Variants in LPP observed in about 807,000 individuals in gnomAD.
LPP encodes lipoma-preferred partner.
Under a neutral mutation model 60.4 loss-of-function variants are expected in LPP, and 38 were observed. The observed-to-expected ratio is 0.63, with a 90% confidence interval of 0.49 to 0.83. The LOEUF (loss-of-function observed/expected upper bound fraction) is 0.83, where lower values mean the gene tolerates loss of function less well. Among genes scored for constraint, LPP ranks in the 40% least tolerant of loss-of-function variants. The pLI, the probability that LPP is intolerant of heterozygous loss-of-function variation, is 0.00. For synonymous variants in LPP, 328 were observed against 290.8 expected, an observed-to-expected ratio of 1.13 and a Z score of -1.30; for missense variants, 902 against 783.6, an observed-to-expected ratio of 1.15 and a Z score of -1.80.
chr3:188,762,852 TG>T (rs1732846890), intron 9 of LPP, among the ~76,000 whole-genome samples: 1 of 152,104 alleles, frequency 6.6e-6, no homozygotes, highest in African/African-American at 2.4e-5. Context: ...GACTCTAAAA[TG>T]TAATTTAATT....
At chr3:188,271,576 G>T (rs768661517) in intron 2 of LPP, among the ~76,000 whole-genome samples, 2 of 152,178 alleles carry the variant, frequency 1.3e-5, no homozygotes, top group Non-Finnish European at 2.9e-5. Flanking sequence ...GCCCTAAGGT[G>T]GACTACGGTC....
chr3:188,563,484 G>GTTTGTGTGTGTA (rs1459782018), intron 6 of LPP, among the ~76,000 whole-genome samples: 2 of 127,968 alleles, frequency 1.6e-5, no homozygotes, highest in East Asian at 7.9e-4. Flanking sequence ...GTGTGTGTGT[G>GTTTGTGTGTGTA]TGGTATATTA....
chr3:188,705,395 C>G (rs1225549273), intron 7 of LPP, among the ~76,000 whole-genome samples: 1 of 152,048 alleles, frequency 6.6e-6, no homozygotes, highest in Non-Finnish European at 1.5e-5. Context: ...GGTTAGTTTA[C>G]CTTGTTAGTC....
At chr3:188,447,513 G>A (rs916053243) in intron 4 of LPP, among the ~76,000 whole-genome samples, 8 of 151,488 alleles carry the variant, frequency 5.3e-5, no homozygotes, top group African/African-American at 1.9e-4. Flanking sequence ...AAGAAGCTGA[G>A]GCAGGAGAAT....
intron 9 of LPP, among the ~76,000 whole-genome samples, chr3:188,786,662 T>C (rs141741092): frequency 9.9e-5 from 15 of 152,268 alleles, no homozygotes; most frequent in African/African-American, 2.9e-4. Flanking sequence ...ATTTGTAAGA[T>C]TCCCAACCTG....
At chr3:188,321,005 C>T (rs1369991669) in intron 2 of LPP, among the ~76,000 whole-genome samples, 1 of 152,196 alleles carries the variant, frequency 6.6e-6, no homozygotes, top group Non-Finnish European at 1.5e-5. Context: ...TTTCCTCATC[C>T]TCACATATAA....
chr3:188,635,859 G>A (rs74365261), intron 7 of LPP, among the ~76,000 whole-genome samples: 1,793 of 152,248 alleles, frequency 0.012, 29 homozygotes, highest in African/African-American at 0.04. Flanking sequence ...CCAGTCACCG[G>A]GCTGATAAAA....
rs146316955 is a variant in LPP, at chr3:188,258,691, A to G, written c.-67+33164A>G. On this transcript the variant is annotated intron_variant, in intron 2 of 11. Transcript: ENST00000617246. ...GGTTCTCGCTATTAGCGCAAAAAAA[A>G]GTAAGTACTGAAGGGATTCTAAGAT... Among the ~76,000 whole-genome samples, 149 of 152,322 alleles carry G rather than the reference A, an allele frequency of 9.8e-4. No homozygotes were observed. In the East Asian group the frequency reaches 0.023, roughly 23 times the overall value.
At chr3:188,406,801 A>G (rs1226758023) in intron 4 of LPP, among the ~76,000 whole-genome samples, 1 of 152,206 alleles carries the variant, frequency 6.6e-6, no homozygotes, top group Non-Finnish European at 1.5e-5. Context: ...CTGAAGGATA[A>G]GTTGTCTAGA....
chr3:188,592,560 T>TTTG (rs1839069088), intron 6 of LPP, among the ~76,000 whole-genome samples: 1 of 133,566 alleles, frequency 7.5e-6, no homozygotes, highest in African/African-American at 2.7e-5. Context: ...TGTTTTTGTT[T>TTTG]TTTAAATGGA....
At chr3:188,509,679 TTCCTTC>T (rs1160126266) in intron 5 of LPP, among the ~76,000 whole-genome samples, 9,569 of 69,670 alleles carry the variant, frequency 0.14, 986 homozygotes, top group African/African-American at 0.24. Flanking sequence ...CCTTCCTTCC[TTCCTTC>T]CTCTCTCTCT....
intron 4 of LPP, among the ~76,000 whole-genome samples, chr3:188,469,064 G>T (rs13062058): frequency 0.17 from 25,659 of 152,098 alleles, 2,408 homozygotes; most frequent in East Asian, 0.27. Context: ...GAAACCCAAG[G>T]ATTGACTTTT....
intron 8 of LPP, among the ~76,000 whole-genome samples, chr3:188,725,972 C>G (rs1718240046): frequency 6.6e-6 from 1 of 151,952 alleles, no homozygotes; most frequent in Non-Finnish European, 1.5e-5. Context: ...ATATGACTGC[C>G]AAAGAATATT....
At chr3:188,781,492 G>A (rs965278222) in intron 9 of LPP, among the ~76,000 whole-genome samples, 5 of 152,106 alleles carry the variant, frequency 3.3e-5, no homozygotes, top group Admixed American at 2.0e-4. Context: ...GGCTGGGGAG[G>A]CGTCAGGAAA....
At chr3:188,203,511 A>ATATTTAAATATATATATATT (rs1553811201) in intron 1 of LPP, among the ~76,000 whole-genome samples, 3 of 54,272 alleles carry the variant, frequency 5.5e-5, no homozygotes, top group African/African-American at 1.8e-4. Flanking sequence ...AAATATATAT[A>ATATTTAAATATATATATATT]TTTAAATATA....
chr3:188,792,969 A>G (rs1744235068), intron 9 of LPP, among the ~76,000 whole-genome samples: 2 of 152,118 alleles, frequency 1.3e-5, no homozygotes, highest in African/African-American at 4.8e-5. Context: ...AAGCTTCCGC[A>G]GAGGGGAAGA....
intron 7 of LPP, among the ~76,000 whole-genome samples, chr3:188,644,393 A>T (rs1850729039): frequency 6.6e-6 from 1 of 152,192 alleles, no homozygotes; most frequent in Non-Finnish European, 1.5e-5. Flanking sequence ...AAGAATTTTG[A>T]ACACCCTAGT....
At chr3:188,858,818 G>A (rs1764452597) in intron 9 of LPP, among the ~76,000 whole-genome samples, 1 of 152,104 alleles carries the variant, frequency 6.6e-6, no homozygotes, top group South Asian at 2.1e-4. Flanking sequence ...GGCCGGGCGT[G>A]GTGGCTCATG....
At chr3:188,745,804 A>G (rs1008903803) in intron 8 of LPP, among the ~76,000 whole-genome samples, 8 of 152,142 alleles carry the variant, frequency 5.3e-5, no homozygotes, top group African/African-American at 1.9e-4. Context: ...ATAGAGCAGG[A>G]TCCTCAAAAC....
Sources: gnomAD v4.1 joint callset for allele counts (sites outside exome capture counted in the v4.1 genomes callset) on GRCh38, gnomAD v4.1.1 for gene constraint, MANE v1.5 for transcripts, NCBI Gene and HGNC (gene_info 2026-07-23, HGNC 2026-07-21) for gene names.